Variants in BRF1 observed in about 807,000 individuals in gnomAD.
BRF1 encodes the protein transcription factor IIIB 90 kDa subunit.
A neutral mutation model predicts 81.7 loss-of-function variants in BRF1; 59 were observed. The ratio of observed to expected loss-of-function variants is 0.72; its 90% CI spans 0.59 to 0.90. The LOEUF (loss-of-function observed/expected upper bound fraction) is 0.90, where lower values mean the gene tolerates loss of function less well. Ranked by LOEUF, BRF1 falls within the 40% of genes least tolerant of loss-of-function variation. BRF1 has a pLI of 0.00. For missense variants in BRF1, 1,050 were observed against 936.3 expected (o/e 1.12, Z -1.58); for synonymous variants, 491 against 395.6 (o/e 1.24, Z -2.86).
chr14:105,283,215 G>A (rs2057181893), intron 2 of BRF1, among the ~76,000 whole-genome samples: 1 of 152,214 alleles, frequency 6.6e-6, no homozygotes, highest in African/African-American at 2.4e-5. Context: ...CCGGCGAAAA[G>A]TCAGCAGGAA....
chr14:105,296,184 G>A lies in BRF1; in HGVS notation c.184+4262C>T, dbSNP rs587661472. Among the ~76,000 whole-genome samples, 10 of 151,912 alleles carry A rather than the reference G, an allele frequency of 6.6e-5. No individual in the cohort carries two copies. In the East Asian group the frequency reaches 9.7e-4, roughly 15 times the overall value. On this transcript the variant is annotated intron_variant, in intron 1 of 17. Transcript: ENST00000547530. ...TCCCAGCACTTTGGGAGGCCAAGGC[G>A]GGTGGATCGCCTGGCCAACATGGCA...
At position 105,300,432 on chromosome 14, in the gene BRF1, C is replaced by T; in HGVS notation, c.184+14G>A. On this transcript the variant is annotated intron_variant, in intron 1 of 17. Transcript: ENST00000547530. ...CACCGAGAAATCCGCGCAGCGCCAG[C>T]CCGCGGGACTCACCGTCCAGGGACA... The T allele has an allele frequency of 6.6e-7, 1 of 1,512,212 alleles. No homozygotes were observed. Among genetic ancestry groups the T allele is most frequent in the Non-Finnish European group, 8.8e-7 (1 of 1,136,838 alleles). The allele number at this position is 1,512,212 out of a possible 1,614,324, so 93.7% of individuals were successfully genotyped here.
chr14:105,225,573 A>G (rs1469651400), intron 10 of BRF1, among the ~76,000 whole-genome samples: 2 of 152,198 alleles, frequency 1.3e-5, no homozygotes, highest in Non-Finnish European at 2.9e-5. Context: ...AGAAATAAAA[A>G]TATTTTACCC....
chr14:105,226,422 T>A, intron 8 of BRF1, 132 bp from the exon 9 acceptor site: 1 of 1,457,622 alleles, frequency 6.9e-7, no homozygotes, highest in South Asian at 1.2e-5. Flanking sequence ...GAGGTGGAGC[T>A]ATGGGCCTGT....
chr14:105,314,903 C>A (rs2058498038), intron 1 of BRF1: 1 of 980,840 alleles, frequency 1.0e-6, no homozygotes, highest in Non-Finnish European at 1.2e-6. Flanking sequence ...GCCGAGGGAG[C>A]GGCGGGGCCG....
chr14:105,263,820 G>A (rs1227185707), intron 3 of BRF1, among the ~76,000 whole-genome samples: 2 of 151,808 alleles, frequency 1.3e-5, no homozygotes, highest in African/African-American at 4.8e-5. Context: ...AGCTACTTGG[G>A]AGACTGAGGC....
At chr14:105,286,176 G>T (rs2057307413) in intron 2 of BRF1, 120 bp downstream of exon 2, 2 of 1,125,286 alleles carry the variant, frequency 1.8e-6, no homozygotes, top group Non-Finnish European at 2.6e-6. Flanking sequence ...GGGCGTGCAG[G>T]GTGACGAGGA....
intron 1 of BRF1, among the ~76,000 whole-genome samples, chr14:105,298,265 T>A (rs376105324): frequency 2.2e-4 from 33 of 152,154 alleles, no homozygotes; most frequent in African/African-American, 7.0e-4. Context: ...GGGAAATTAA[T>A]AGCCACAACA....
chr14:105,296,929 G>C (rs151005132), intron 1 of BRF1, among the ~76,000 whole-genome samples: 6,092 of 152,172 alleles, frequency 0.04, 179 homozygotes, highest in Middle Eastern at 0.054. Flanking sequence ...GCTGAAGTGG[G>C]GGGGGATCAC....
chr14:105,248,452 A>G, intron 5 of BRF1: 2 of 985,160 alleles, frequency 2.0e-6, no homozygotes, highest in Non-Finnish European at 2.4e-6. Flanking sequence ...GTTGCTGGGC[A>G]GAAGCTCGAG....
Position 105,241,331 on chromosome 14 carries a change from G to T in BRF1, c.628C>A (p.Leu210Ile). Residue 210 changes from leucine (L) to isoleucine (I), a missense_variant, in exon 6 of 18, where the codon CTC becomes ATC. Leu to Ile is a conservative substitution (Grantham distance 5). Transcript: ENST00000547530. ...CAGTCCCGCTTCATCCTCTGTAGGAGCCTCAGGGCAGTCATGGACACCTCG... is the reference window on the plus strand; with the variant it reads ...CAGTCCCGCTTCATCCTCTGTAGGATCCTCAGGGCAGTCATGGACACCTCG... ...NHEVSMTALRLLQRMKRDWMH... is the reference protein window; with the variant it reads ...NHEVSMTALRILQRMKRDWMH... The T allele has an allele frequency of 6.2e-7, 1 of 1,612,762 alleles. No individual in the cohort carries two copies. The highest frequency in any genetic ancestry group is 8.5e-7 in the Non-Finnish European group (1 of 1,179,942).
At chr14:105,247,355 G>A (rs1184085137) in intron 5 of BRF1, 16 of 985,310 alleles carry the variant, frequency 1.6e-5, no homozygotes, top group South Asian at 1.4e-4. Flanking sequence ...AAGTTCAGCC[G>A]CCTGGGGGCT....
At chr14:105,281,555 G>A (rs2057104815) in intron 2 of BRF1, among the ~76,000 whole-genome samples, 1 of 152,112 alleles carries the variant, frequency 6.6e-6, no homozygotes, top group South Asian at 2.1e-4. Flanking sequence ...CTGAGCCCGG[G>A]TGTGTGGACA....
chr14:105,246,405 G>A (rs1039874862), intron 5 of BRF1, among the ~76,000 whole-genome samples: 14 of 151,428 alleles, frequency 9.2e-5, no homozygotes, highest in South Asian at 2.1e-4. Context: ...GGCTGGGCGC[G>A]GTGGCTCACA....
chr14:105,240,894 C>G (rs1247927754), intron 6 of BRF1, among the ~76,000 whole-genome samples: 2 of 151,230 alleles, frequency 1.3e-5, no homozygotes, highest in Non-Finnish European at 2.9e-5. Context: ...GTGGCACCCT[C>G]AGGAGCAACA....
At chr14:105,278,233 A>G (rs909995551) in intron 2 of BRF1, among the ~76,000 whole-genome samples, 6 of 152,056 alleles carry the variant, frequency 3.9e-5, no homozygotes, top group Non-Finnish European at 7.4e-5. Flanking sequence ...CAGGTAGATC[A>G]CTTGAGCCCA....
At chr14:105,286,633 T>G (rs1288342495) in intron 1 of BRF1, among the ~76,000 whole-genome samples, 3 of 150,608 alleles carry the variant, frequency 2.0e-5, no homozygotes, top group South Asian at 2.1e-4. Flanking sequence ...TGAGACGGAG[T>G]CTCCCTCTGT....
rs745852499 is a variant in BRF1 at position 105,217,603 on chromosome 14, T to C, written c.1713A>G (p.Ser571=). ...TTCTGCTGGCCGGCGTCCTCCTTCG[T>C]GACAGCTTCCTGGCACTGGCGCTAT... ...PEHSASARKL[S]RRRTPASRSG... The change falls in exon 15 of 18, where the codon TCA becomes TCG. Residue 571 remains serine (S), a synonymous_variant. Coordinates refer to ENST00000547530, the MANE Select transcript of BRF1 (RefSeq NM_001519.4). 8 of 1,613,330 alleles carry C rather than the reference T, an allele frequency of 5.0e-6. No individual in the cohort carries two copies. In the African/African-American group the frequency reaches 8.0e-5, roughly 16 times the overall value.
chr14:105,253,565 G>A (rs2055722824), intron 4 of BRF1, among the ~76,000 whole-genome samples: 1 of 152,232 alleles, frequency 6.6e-6, no homozygotes, highest in African/African-American at 2.4e-5. Context: ...CAGGGTACTG[G>A]GAGACCTAAG....
Sources: allele counts gnomAD v4.1 joint callset (sites outside exome capture counted in the v4.1 genomes callset), GRCh38; gene constraint gnomAD v4.1.1; transcripts MANE v1.5; gene names NCBI Gene and HGNC (gene_info 2026-07-23, HGNC 2026-07-21).